The following PLSCR1 variants were observed in gnomAD, a reference collection of about 807,000 sequenced individuals.
The protein encoded by PLSCR1 is phospholipid scramblase 1.
Under a neutral mutation model 37.8 loss-of-function variants are expected in PLSCR1, and 17 were observed. The observed-to-expected ratio is 0.45, with a 90% confidence interval of 0.31 to 0.68. The LOEUF is 0.68. Among genes scored for constraint, PLSCR1 ranks in the 30% least tolerant of loss-of-function variants. The pLI, the probability that PLSCR1 is intolerant of heterozygous loss-of-function variation, is 0.06. For synonymous variants in PLSCR1, 116 were observed against 125.9 expected, an observed-to-expected ratio of 0.92 and a Z score of 0.53; for missense variants, 347 against 380.9, an observed-to-expected ratio of 0.91 and a Z score of 0.74.
chr3:146,532,601 T>A (rs988378951), intron 3 of PLSCR1, among the ~76,000 whole-genome samples: 1 of 152,200 alleles, frequency 6.6e-6, no homozygotes, highest in African/African-American at 2.4e-5. Context: ...CAATTAAACA[T>A]GACATTCAGC....
intron 5 of PLSCR1, among the ~76,000 whole-genome samples, chr3:146,523,232 TTA>T (rs1407428757): frequency 2.6e-5 from 4 of 152,190 alleles, no homozygotes; most frequent in Non-Finnish European, 5.9e-5. Flanking sequence ...CATCCCTTCA[TTA>T]TGTGAGACAC....
intron 2 of PLSCR1, 88 bp from the exon 3 acceptor site, chr3:146,533,638 C>G (rs2044229616): frequency 1.3e-6 from 1 of 747,374 alleles, no homozygotes; most frequent in Non-Finnish European, 2.2e-6. Flanking sequence ...ATAATTGTAA[C>G]TTGTATGTTC....
intron 1 of PLSCR1, among the ~76,000 whole-genome samples, chr3:146,538,672 A>T (rs1012642111): frequency 1.6e-4 from 25 of 152,300 alleles, no homozygotes; most frequent in Admixed American, 7.8e-4. Context: ...GGCAAATCCT[A>T]AATAAAATGT....
chr3:146,528,594 T>C lies in PLSCR1; in HGVS notation c.312+20A>G, dbSNP rs541444308. 1.9e-6 allele frequency: 3 copies of C among 1,583,008 alleles called. No homozygotes were observed. In the South Asian group the frequency reaches 3.3e-5, roughly 18 times the overall value. ...AGCACAGTTCTGTTTTTTATGAGTA[T>C]TTTGTGTCTTTGAAATTACCTGACT... On this transcript the variant is annotated intron_variant, in intron 4 of 8. Coordinates refer to ENST00000342435, the MANE Select transcript of PLSCR1 (RefSeq NM_021105.3).
chr3:146,529,295 T>C (rs758244009), intron 3 of PLSCR1, among the ~76,000 whole-genome samples: 107 of 152,120 alleles, frequency 7.0e-4, no homozygotes, highest in Non-Finnish European at 1.4e-3. Context: ...GAACTGGGGG[T>C]AGTTTTGCCC....
rs142275935 is a variant in PLSCR1, at chr3:146,533,483, C to T, written c.81G>A (p.Pro27=). 1.0e-5 allele frequency: 16 copies of T among 1,594,146 alleles called. No individual in the cohort carries two copies. The highest frequency in any genetic ancestry group is 1.7e-5 in the Admixed American group (1 of 59,882). ...CAACTGCTTTACCTTGGAATGCTGT[C>T]GGTGGATACTGAGGAGGATACCCAA... ...LPVGYPPQYP[P]TAFQGPPGYS... is the part of the protein sequence containing the mutation. The change falls in exon 3 of 9, where the codon CCG becomes CCA. Residue 27 remains proline, a synonymous_variant. Coordinates refer to ENST00000342435, the MANE Select transcript of PLSCR1 (RefSeq NM_021105.3).
intron 1 of PLSCR1, among the ~76,000 whole-genome samples, chr3:146,542,065 A>G (rs1371792769): frequency 6.6e-6 from 1 of 152,234 alleles, no homozygotes; most frequent in African/African-American, 2.4e-5. Flanking sequence ...ATGTTTAGAT[A>G]CATAAATACT....
At chr3:146,543,153 C>A (rs1316783694) in intron 1 of PLSCR1, among the ~76,000 whole-genome samples, 2 of 151,970 alleles carry the variant, frequency 1.3e-5, no homozygotes, top group Non-Finnish European at 2.9e-5. Flanking sequence ...GTCCCTCATT[C>A]AAGTAAAGGA....
intron 5 of PLSCR1, among the ~76,000 whole-genome samples, chr3:146,522,767 G>A (rs376061612): frequency 6.2e-4 from 94 of 152,170 alleles, no homozygotes; most frequent in East Asian, 4.1e-3. Context: ...TCTCCTGCTC[G>A]TCCCTGGGCA....
At chr3:146,527,386 C>T (rs2044132358) in intron 4 of PLSCR1, among the ~76,000 whole-genome samples, 1 of 152,136 alleles carries the variant, frequency 6.6e-6, no homozygotes, top group Admixed American at 6.5e-5. Flanking sequence ...GACAGATATG[C>T]TAATTATCCT....
At chr3:146,522,768 T>C (rs1291009467) in intron 5 of PLSCR1, among the ~76,000 whole-genome samples, 1 of 152,138 alleles carries the variant, frequency 6.6e-6, no homozygotes, top group East Asian at 1.9e-4. Context: ...CTCCTGCTCG[T>C]CCCTGGGCAA....
At chr3:146,517,210 A>T in intron 7 of PLSCR1, 43 bp from the exon 8 acceptor site, 1 of 1,147,304 alleles carries the variant, frequency 8.7e-7, no homozygotes, top group Non-Finnish European at 1.2e-6. Flanking sequence ...TAGGAAACTT[A>T]TAGCAAAAGT....
chr3:146,542,046 A>G (rs1441587041), intron 1 of PLSCR1, among the ~76,000 whole-genome samples: 2 of 152,072 alleles, frequency 1.3e-5, no homozygotes, highest in African/African-American at 2.4e-5. Context: ...TTTTTACTGT[A>G]CCCTTTCTAT....
intron 2 of PLSCR1, among the ~76,000 whole-genome samples, chr3:146,534,627 T>C (rs918561993): frequency 2.0e-5 from 3 of 151,904 alleles, no homozygotes; most frequent in Non-Finnish European, 4.4e-5. Context: ...ATCCAGTCCA[T>C]GGTGATTGTG....
intron 1 of PLSCR1, chr3:146,538,037 A>G (rs918392784): frequency 1.3e-5 from 2 of 152,188 alleles, no homozygotes; most frequent in African/African-American, 4.8e-5. Context: ...AAATGGGTTT[A>G]TGTGGTCCTG....
chr3:146,521,621 T>C lies in PLSCR1; in HGVS notation c.661A>G (p.Asn221Asp). The C allele has an allele frequency of 6.2e-7, 1 of 1,613,870 alleles. No homozygotes were observed. The highest frequency in any genetic ancestry group is 8.5e-7 in the Non-Finnish European group (1 of 1,179,814). ...TTTAGTACATCCTCTCTTTTCTCAT[T>C]TTGAATTGTAAACTTTGGTAGACAT... The part of the protein sequence containing the change: ...HPCLPKFTIQ[N>D]EKREDVLKIS... Residue 221 changes from asparagine (N) to aspartate (D), a missense_variant, in exon 7 of 9, where the codon AAT becomes GAT. By Grantham distance (23) the Asn-to-Asp change is conservative. Coordinates refer to ENST00000342435, the MANE Select transcript of PLSCR1 (RefSeq NM_021105.3).
intron 1 of PLSCR1, among the ~76,000 whole-genome samples, chr3:146,541,517 T>G (rs1488741968): frequency 6.6e-6 from 1 of 152,248 alleles, no homozygotes; most frequent in Non-Finnish European, 1.5e-5. Flanking sequence ...GCTTGCTAAC[T>G]AGCTGAATTA....
chr3:146,526,643 T>C (rs909986666), intron 4 of PLSCR1, among the ~76,000 whole-genome samples: 29 of 152,032 alleles, frequency 1.9e-4, no homozygotes, highest in African/African-American at 6.3e-4. Flanking sequence ...TATTCATCAA[T>C]AGATAAATGA....
chr3:146,531,852 A>T (rs1560087580), intron 3 of PLSCR1, among the ~76,000 whole-genome samples: 2 of 152,170 alleles, frequency 1.3e-5, no homozygotes. Context: ...GTTTACCAGC[A>T]CATTTACCTA....
Sources: allele counts gnomAD v4.1 joint callset (sites outside exome capture counted in the v4.1 genomes callset), GRCh38; gene constraint gnomAD v4.1.1; transcripts MANE v1.5; gene names NCBI Gene and HGNC (gene_info 2026-07-23, HGNC 2026-07-21).